Variants in TRPM3 observed in about 807,000 individuals in gnomAD.
The protein encoded by TRPM3 is long transient receptor potential channel 3.
In TRPM3, 77 loss-of-function variants were observed where a neutral mutation model predicts 181.2. The observed-to-expected ratio is 0.42, with a 90% confidence interval of 0.35 to 0.51. The LOEUF (loss-of-function observed/expected upper bound fraction) is 0.51, where lower values mean the gene tolerates loss of function less well. Ranked by LOEUF, TRPM3 falls within the 20% of genes least tolerant of loss-of-function variation. The pLI is 0.01. For synonymous variants in TRPM3, 745 were observed against 796.4 expected (o/e 0.94, Z 1.09); for missense variants, 1,759 against 2,196.7 (o/e 0.80, Z 3.98).
At chr9:71,226,059 A>G (rs1367902816) in intron 1 of TRPM3, among the ~76,000 whole-genome samples, 1 of 146,422 alleles carries the variant, frequency 6.8e-6, no homozygotes, top group Non-Finnish European at 1.5e-5. Context: ...AGATGAAGTT[A>G]TAGAGTTTTT....
intron 1 of TRPM3, among the ~76,000 whole-genome samples, chr9:71,316,982 T>A (rs2088660639): frequency 6.6e-6 from 1 of 152,168 alleles, no homozygotes; most frequent in Admixed American, 6.5e-5. Flanking sequence ...CATATTGAAT[T>A]CCTAACTTTT....
intron 1 of TRPM3, among the ~76,000 whole-genome samples, chr9:71,271,788 C>T (rs2083813742): frequency 6.6e-6 from 1 of 152,166 alleles, no homozygotes; most frequent in African/African-American, 2.4e-5. Context: ...GCACATGGAG[C>T]TGAGCCATTT....
At chr9:71,050,655 T>A (rs773937013) in intron 1 of TRPM3, among the ~76,000 whole-genome samples, 1 of 152,248 alleles carries the variant, frequency 6.6e-6, no homozygotes, top group Non-Finnish European at 1.5e-5. Flanking sequence ...TTAAACACAC[T>A]TCTGTTTATA....
chr9:70,963,137 C>G (rs1000685899), intron 1 of TRPM3, among the ~76,000 whole-genome samples: 4 of 152,100 alleles, frequency 2.6e-5, no homozygotes, highest in African/African-American at 7.2e-5. Context: ...CAAATGTTTC[C>G]AAATCAATCC....
intron 1 of TRPM3, among the ~76,000 whole-genome samples, chr9:71,224,255 A>C (rs930413412): frequency 2.6e-5 from 4 of 152,238 alleles, no homozygotes; most frequent in African/African-American, 9.6e-5. Context: ...TGCATCTGGT[A>C]ATCCAGAGAA....
rs535319595 is a variant in TRPM3 at position 71,196,142 on chromosome 9, C to CAT, written c.183+250509_183+250510dup. Among the ~76,000 whole-genome samples, 1,197 of 143,844 alleles carry CAT rather than the reference C, an allele frequency of 8.3e-3. 23 individuals carry two copies. The highest frequency in any genetic ancestry group is 0.028 in the African/African-American group (1,093 of 38,568). 94.4% of individuals were successfully genotyped at this position (143,844 alleles called of 152,430 possible). ...AAAGTTAATATTTTATGTACATACG[C>CAT]ATATATATATATACACACACGTATA... On this transcript the variant is annotated intron_variant, in intron 1 of 24. Transcript: ENST00000357533.
rs867997489 is a variant in TRPM3 at position 70,767,351 on chromosome 9, T to C, written c.1149-5627A>G. On this transcript the variant is annotated intron_variant, in intron 7 of 25. Coordinates refer to ENST00000677713, the MANE Select transcript of TRPM3 (RefSeq NM_001366145.2). ...ATTCATTCATTCATTCAACAAACAATATTCATGCCTTCTGTGTGCCAGGCA... is the reference window on the plus strand; with the variant it reads ...ATTCATTCATTCATTCAACAAACAACATTCATGCCTTCTGTGTGCCAGGCA... Among the ~76,000 whole-genome samples the C allele has an allele frequency of 2.0e-5, 3 of 152,304 alleles. No individual in the cohort carries two copies. The South Asian group carries it at 6.2e-4, about 32-fold the overall frequency.
chr9:71,397,332 A>C (rs1303842869), intron 1 of TRPM3, among the ~76,000 whole-genome samples: 1 of 152,106 alleles, frequency 6.6e-6, no homozygotes, highest in Non-Finnish European at 1.5e-5. Context: ...TTTTTTTAAA[A>C]GGGGCCTTTA....
At chr9:71,052,643 C>G (rs944434605) in intron 1 of TRPM3, among the ~76,000 whole-genome samples, 4 of 152,002 alleles carry the variant, frequency 2.6e-5, no homozygotes, top group African/African-American at 9.7e-5. Context: ...CTTGCTGCCA[C>G]GTCCATTCAA....
At chr9:71,380,233 T>C (rs1299320389) in intron 1 of TRPM3, among the ~76,000 whole-genome samples, 1 of 152,024 alleles carries the variant, frequency 6.6e-6, no homozygotes, top group African/African-American at 2.4e-5. Flanking sequence ...TTGATGTTCT[T>C]TGAATTCAAG....
chr9:70,842,619 C>T (rs1433259897), intron 5 of TRPM3, among the ~76,000 whole-genome samples: 4 of 151,970 alleles, frequency 2.6e-5, no homozygotes, highest in Non-Finnish European at 5.9e-5. Flanking sequence ...CCCTGGGGTG[C>T]GGAGAGTCCG....
intron 1 of TRPM3, among the ~76,000 whole-genome samples, chr9:71,408,439 G>A (rs1355095593): frequency 3.9e-5 from 6 of 152,270 alleles, no homozygotes; most frequent in South Asian, 2.1e-4. Flanking sequence ...ACCATGGCAC[G>A]AGAACTACGT....
At chr9:71,190,213 A>T (rs1413798897) in intron 1 of TRPM3, among the ~76,000 whole-genome samples, 1 of 151,894 alleles carries the variant, frequency 6.6e-6, no homozygotes, top group Non-Finnish European at 1.5e-5. Flanking sequence ...GCAAGGCAGC[A>T]ATGATACTGT....
At chr9:71,015,057 A>G (rs1270718385) in intron 1 of TRPM3, among the ~76,000 whole-genome samples, 1 of 152,108 alleles carries the variant, frequency 6.6e-6, no homozygotes, top group Non-Finnish European at 1.5e-5. Context: ...TAAAAAAGTA[A>G]TGCTATAAGT....
At chr9:70,953,477 G>A (rs766413002) in intron 1 of TRPM3, among the ~76,000 whole-genome samples, 15 of 152,138 alleles carry the variant, frequency 9.9e-5, no homozygotes, top group African/African-American at 1.9e-4. Flanking sequence ...ATTGTCTTGC[G>A]TTTTTAAATG....
chr9:70,680,721 A>G (rs957384181), intron 9 of TRPM3, among the ~76,000 whole-genome samples: 5 of 152,214 alleles, frequency 3.3e-5, no homozygotes, highest in African/African-American at 1.2e-4. Flanking sequence ...GTTTTGTCTT[A>G]TAGTTCTAGT....
intron 4 of TRPM3, among the ~76,000 whole-genome samples, chr9:70,844,569 C>G (rs1564555566): frequency 1.3e-5 from 2 of 152,272 alleles, no homozygotes; most frequent in East Asian, 3.9e-4. Context: ...CAGGGCCAGC[C>G]CTGGACAAGA....
At chr9:71,229,422 G>C (rs2080903009) in intron 1 of TRPM3, among the ~76,000 whole-genome samples, 1 of 152,104 alleles carries the variant, frequency 6.6e-6, no homozygotes, top group Non-Finnish European at 1.5e-5. Context: ...GGTTTCTTGA[G>C]TAATACCCCA....
chr9:70,800,119 C>T (rs193258084), intron 6 of TRPM3, among the ~76,000 whole-genome samples: 1 of 152,240 alleles, frequency 6.6e-6, no homozygotes, highest in East Asian at 1.9e-4. Flanking sequence ...ATGACTTTCT[C>T]TGAAAGACAA....
Sources: allele counts gnomAD v4.1 joint callset (sites outside exome capture counted in the v4.1 genomes callset), GRCh38; gene constraint gnomAD v4.1.1; transcripts MANE v1.5; gene names NCBI Gene and HGNC (gene_info 2026-07-23, HGNC 2026-07-21).